Variants in PDPR observed in about 807,000 individuals in gnomAD.
PDPR encodes pyruvate dehydrogenase phosphatase regulatory subunit.
In PDPR, 50 loss-of-function variants were observed where a neutral mutation model predicts 102.2. That is an observed-to-expected ratio of 0.49 (90% CI 0.39 to 0.62). PDPR has a LOEUF of 0.62. Among genes scored for constraint, PDPR ranks in the 20% least tolerant of loss-of-function variants. PDPR has a pLI of 0.00. For missense variants in PDPR, 625 were observed against 1,098.2 expected (o/e 0.57, Z 6.09); for synonymous variants, 259 against 406.0 (o/e 0.64, Z 4.35).
intron 10 of PDPR, 114 bp from the exon 11 acceptor site, chr16:70,138,785 C>G: frequency 4.5e-6 from 7 of 1,572,186 alleles, no homozygotes; most frequent in South Asian, 1.1e-5. Context: ...CAAAACTATT[C>G]AGCTGGTCTA....
intron 17 of PDPR, 24 bp downstream of exon 17, chr16:70,148,577 C>T (rs773443556): frequency 2.4e-5 from 37 of 1,521,668 alleles, no homozygotes; most frequent in Non-Finnish European, 3.3e-5. Context: ...CTTCCCTTCC[C>T]TTCCCTTCAC....
intron 17 of PDPR, among the ~76,000 whole-genome samples, chr16:70,149,683 T>G (rs950546721): frequency 6.6e-6 from 1 of 152,292 alleles, no homozygotes; most frequent in Admixed American, 6.5e-5. Flanking sequence ...TGGTACATCA[T>G]TCCGATACTA....
intron 12 of PDPR, 50 bp from the exon 13 acceptor site, chr16:70,142,503 C>G (rs200954363): frequency 6.2e-7 from 1 of 1,613,064 alleles, no homozygotes; most frequent in Non-Finnish European, 8.5e-7. Flanking sequence ...AAAAGAACCA[C>G]GTGGACTACA....
chr16:70,127,176 G>T, intron 3 of PDPR, 84 bp from the exon 4 acceptor site: 1 of 1,544,712 alleles, frequency 6.5e-7, no homozygotes, highest in Non-Finnish European at 8.7e-7. Context: ...TTTGGTGTTA[G>T]AAACAGTATT....
At chr16:70,132,352 T>G in intron 9 of PDPR, 52 bp downstream of exon 9, 1 of 1,540,254 alleles carries the variant, frequency 6.5e-7, no homozygotes, top group Non-Finnish European at 8.9e-7. Flanking sequence ...TAAGATGTTA[T>G]ATTTTTCAAA....
Position 70,126,733 on chromosome 16 carries a change from C to A in PDPR, c.228-527C>A, listed in dbSNP as rs530168330. On this transcript the variant is annotated intron_variant, in intron 3 of 18. Coordinates refer to ENST00000288050, the MANE Select transcript of PDPR (RefSeq NM_017990.5). The stretch of plus-strand genomic sequence containing the variant: ...TAGAGACACAGTCTGGCTATGTTGC[C>A]CAGGCCAGTCTTGAACTCCTGGCCT... Among the ~76,000 whole-genome samples, 9 of 152,318 alleles carry A rather than the reference C, an allele frequency of 5.9e-5. No homozygotes were observed. In the South Asian group the frequency reaches 1.9e-3, roughly 32 times the overall value.
chr16:70,123,882 G>T (rs1427633318), intron 3 of PDPR, among the ~76,000 whole-genome samples: 12 of 152,336 alleles, frequency 7.9e-5, no homozygotes, highest in Admixed American at 6.5e-5. Flanking sequence ...GTGAAACGCC[G>T]TCTCTACTAA....
chr16:70,114,641 G>T (rs1962449921), intron 1 of PDPR, among the ~76,000 whole-genome samples, 180 bp from the exon 2 acceptor site: 1 of 152,258 alleles, frequency 6.6e-6, no homozygotes, highest in South Asian at 2.1e-4. Context: ...TTGTCCGCTC[G>T]TGCCTTGGCT....
chr16:70,142,152 A>C, intron 11 of PDPR, 82 bp from the exon 12 acceptor site: 5 of 1,474,792 alleles, frequency 3.4e-6, no homozygotes, highest in Non-Finnish European at 4.6e-6. Context: ...AATAGAAACA[A>C]CTCCAGAGTC....
intron 3 of PDPR, among the ~76,000 whole-genome samples, chr16:70,122,701 C>T (rs1963452315): frequency 6.6e-6 from 1 of 152,270 alleles, no homozygotes; most frequent in Admixed American, 6.5e-5. Flanking sequence ...CATCCATTGA[C>T]AACTGTTGCC....
chr16:70,140,674 A>T (rs1335544150), intron 11 of PDPR, among the ~76,000 whole-genome samples: 1 of 152,280 alleles, frequency 6.6e-6, no homozygotes, highest in East Asian at 1.9e-4. Context: ...ATTTAGCCAG[A>T]TGTGGTGGTA....
At position 70,120,560 on chromosome 16, in the gene PDPR, C is replaced by G. The variant is rs770770703; in HGVS notation, c.68C>G (p.Ser23Cys). The G allele has an allele frequency of 1.9e-5, 31 of 1,613,880 alleles. No individual in the cohort carries two copies. The highest frequency in any genetic ancestry group is 2.5e-6 in the Non-Finnish European group (3 of 1,179,888). ...QRASPGWQNW[S>C]SARNSTSAAE... ...GCCAGCCCAGGATGGCAGAACTGGT[C>G]CTCTGCAAGAAACAGCACGTCAGCT... The change falls in exon 3 of 19, where the codon TCC becomes TGC. Residue 23 changes from serine to cysteine, a missense_variant. Physicochemically the swap from Ser to Cys is moderately radical, Grantham distance 112 (BLOSUM62 -1). Around this residue, in one of 11 missense-constraint regions of PDPR, gnomAD observed 84 missense variants for 87.7 expected, o/e 0.96. Coordinates refer to ENST00000288050, the MANE Select transcript of PDPR (RefSeq NM_017990.5).
intron 17 of PDPR, among the ~76,000 whole-genome samples, chr16:70,149,246 G>GTT (rs372335620): frequency 2.7e-4 from 40 of 146,938 alleles, no homozygotes; most frequent in South Asian, 6.5e-4. Context: ...TCTTCATCCT[G>GTT]TTTTTTTTTT....
chr16:70,161,705 A>G lies in PDPR; in HGVS notation c.*4826A>G, dbSNP rs1175195379. 1.3e-5 allele frequency: 2 copies of G among 152,708 alleles called. No individual in the cohort carries two copies. The highest frequency in any genetic ancestry group is 2.4e-5 in the African/African-American group (1 of 41,486). 9.5% of individuals were successfully genotyped at this position (152,708 alleles called of 1,614,324 possible). ...AGTACACTTTTCAAGACAACTGAGT[A>G]TTTTTGTATGCCTTTGCCTTCCCTT... On this transcript the variant is annotated 3_prime_UTR_variant, in exon 19 of 19. Coordinates refer to ENST00000288050, the MANE Select transcript of PDPR (RefSeq NM_017990.5).
At chr16:70,163,151 T>TTGGCCAGGC, downstream of PDPR, among the ~76,000 whole-genome samples, 1 of 152,280 alleles carries the variant, frequency 6.6e-6, no homozygotes, top group Non-Finnish European at 1.5e-5. Flanking sequence ...TTTCGCCAGG[T>TTGGCCAGGC]TGGCCAGGCT....
rs1412966826 is a variant in PDPR, at chr16:70,157,268, T to TC, written c.*392dup. On this transcript the variant is annotated 3_prime_UTR_variant, in exon 19 of 19. Coordinates refer to ENST00000288050, the MANE Select transcript of PDPR (RefSeq NM_017990.5). ...GCAGGTCTCAGGGCACGAGTCCCTCTCCCTTGGGTTCCATTTTCTTGGAGC... is the reference window on the plus strand; with the variant it reads ...GCAGGTCTCAGGGCACGAGTCCCTCTCCCCTTGGGTTCCATTTTCTTGGAGC... The TC allele has an allele frequency of 2.1e-6, 1 of 471,338 alleles. No homozygotes were observed. The highest frequency in any genetic ancestry group is 4.2e-6 in the Non-Finnish European group (1 of 240,904). The allele number at this position is 471,338 out of a possible 1,614,324, so 29.2% of individuals were successfully genotyped here. A position where few individuals can be genotyped will look rare whatever the true frequency, so the allele number is the denominator to read the frequency against.
intron 18 of PDPR, among the ~76,000 whole-genome samples, chr16:70,153,951 G>A (rs1018737323): frequency 6.6e-5 from 10 of 152,240 alleles, no homozygotes; most frequent in South Asian, 2.1e-4. Flanking sequence ...AGGCCAAGGC[G>A]GGCGGATCAC....
chr16:70,127,723 A>G (rs565590464), intron 4 of PDPR, among the ~76,000 whole-genome samples: 1 of 152,296 alleles, frequency 6.6e-6, no homozygotes, highest in African/African-American at 2.4e-5. Flanking sequence ...ATTAAGAGTC[A>G]TTGCATTTTA....
At position 70,129,114 on chromosome 16, in the gene PDPR, C is replaced by T. The variant is rs1432684691; in HGVS notation, c.599C>T (p.Ser200Phe). The T allele has an allele frequency of 6.2e-7, 1 of 1,613,892 alleles. No individual in the cohort carries two copies. Among genetic ancestry groups the T allele is most frequent in the African/African-American group, 1.3e-5 (1 of 75,078 alleles). ...DVALALASAA[S>F]QNGVQIYDRT... ...GCTCTTGCCCTGGCAAGTGCTGCCT[C>T]CCAAAATGGTGAGCAGGTTTTTGCA... The change falls in exon 6 of 19, where the codon TCC becomes TTC. Residue 200 changes from serine (S) to phenylalanine (F), a missense_variant. Coordinates refer to ENST00000288050, the MANE Select transcript of PDPR (RefSeq NM_017990.5).
Sources: gnomAD v4.1 joint callset for allele counts (sites outside exome capture counted in the v4.1 genomes callset) on GRCh38, gnomAD v4.1.1 for gene constraint, gnomAD v4.1.1 regional missense constraint, MANE v1.5 for transcripts, NCBI Gene and HGNC (gene_info 2026-07-23, HGNC 2026-07-21) for gene names.